Variants in GBF1 observed in about 807,000 individuals in gnomAD.
GBF1 encodes the protein golgi brefeldin A resistant guanine nucleotide exchange factor 1, also known as Golgi-specific brefeldin A-resistance guanine nucleotide exchange factor 1.
Under a neutral mutation model 210.5 loss-of-function variants are expected in GBF1, and 114 were observed. The ratio of observed to expected loss-of-function variants is 0.54; its 90% confidence interval spans 0.47 to 0.63. GBF1 has a LOEUF of 0.63. Ranked by LOEUF, GBF1 falls within the 30% of genes least tolerant of loss-of-function variation. The probability of loss-of-function intolerance (pLI) is 0.00; values close to 1 mark genes in which losing one functional copy is unlikely to be tolerated. For missense variants in GBF1, 1,851 were observed against 2,357.7 expected (o/e 0.79, Z 4.45); for synonymous variants, 850 against 889.2 (o/e 0.96, Z 0.78).
At chr10:102,341,800 A>C (rs561379143) in intron 3 of GBF1, among the ~76,000 whole-genome samples, 1 of 152,302 alleles carries the variant, frequency 6.6e-6, no homozygotes, top group Admixed American at 6.5e-5. Context: ...TGTGGACCCC[A>C]TATATAAAAC....
rs749785670 is a variant in GBF1 at position 102,382,217 on chromosome 10, G to A, written c.5464G>A (p.Val1822Met). The change falls in exon 40 of 40, where the codon GTG (valine) becomes ATG (methionine). Residue 1822 changes from valine to methionine, a missense_variant. By Grantham distance (21) the Val-to-Met change is conservative. Coordinates refer to ENST00000369983, the MANE Select transcript of GBF1 (RefSeq NM_001377137.1). ...QPLASPLQVGVPPMTLPIILN... is the reference protein window; with the variant it reads ...QPLASPLQVGMPPMTLPIILN... ...CTTGGCCTCCCCACTGCAGGTGGGC[G>A]TGCCACCTATGACTCTGCCCATCAT... 1.1e-5 allele frequency: 17 copies of A among 1,613,850 alleles called. No individual in the cohort carries two copies. Among genetic ancestry groups the A allele is most frequent in the African/African-American group, 2.7e-5 (2 of 75,002 alleles).
At chr10:102,253,925 A>G (rs1473204019) in intron 1 of GBF1, among the ~76,000 whole-genome samples, 2 of 152,088 alleles carry the variant, frequency 1.3e-5, no homozygotes, top group Non-Finnish European at 2.9e-5. Context: ...CTTTTCATAT[A>G]TTTATTTGCT....
chr10:102,230,668 G>T, the GBF1 span: 1 of 1,592,154 alleles, frequency 6.3e-7, no homozygotes. Flanking sequence ...GACGTAGGGG[G>T]AAGAGGCGGC....
chr10:102,319,162 A>G (rs535129991), intron 3 of GBF1, among the ~76,000 whole-genome samples: 1 of 152,296 alleles, frequency 6.6e-6, no homozygotes, highest in East Asian at 1.9e-4. Context: ...CTAAAAATAC[A>G]AAACAAAATT....
intron 3 of GBF1, among the ~76,000 whole-genome samples, chr10:102,267,684 T>G (rs1346642763): frequency 1.3e-5 from 2 of 152,218 alleles, no homozygotes. Context: ...TCAGCTTTTG[T>G]TCCACTTGGA....
intron 2 of GBF1, 84 bp downstream of exon 2, chr10:102,259,118 T>C: frequency 2.6e-6 from 2 of 776,070 alleles, no homozygotes; most frequent in Non-Finnish European, 4.7e-6. Flanking sequence ...ATCAAATTCC[T>C]AGTAATAATG....
chr10:102,312,530 G>A (rs561565397), intron 3 of GBF1, among the ~76,000 whole-genome samples: 1 of 152,246 alleles, frequency 6.6e-6, no homozygotes, highest in South Asian at 2.1e-4. Context: ...AATCTTTGTT[G>A]GTAGGGCGTA....
chr10:102,335,879 G>C (rs2057692589), intron 3 of GBF1, among the ~76,000 whole-genome samples: 1 of 152,160 alleles, frequency 6.6e-6, no homozygotes, highest in African/African-American at 2.4e-5. Flanking sequence ...GAAATTAAAA[G>C]TGCTATCCCA....
At chr10:102,232,621 G>A in the GBF1 span, among the ~76,000 whole-genome samples, 172 of 152,318 alleles carry the variant, frequency 1.1e-3, no homozygotes, top group African/African-American at 4.0e-3. Flanking sequence ...GGCGGAGGTT[G>A]CAGCGAGCCG....
chr10:102,365,781 T>C (rs944823650), intron 18 of GBF1, among the ~76,000 whole-genome samples, 182 bp downstream of exon 18: 1 of 152,060 alleles, frequency 6.6e-6, no homozygotes, highest in African/African-American at 2.4e-5. Flanking sequence ...CATGGTGGCA[T>C]GTGCCTGTAG....
chr10:102,258,548 G>C (rs1382116168), intron 1 of GBF1, among the ~76,000 whole-genome samples: 3 of 149,260 alleles, frequency 2.0e-5, no homozygotes, highest in Non-Finnish European at 3.0e-5. Context: ...CAGGCGGGTG[G>C]ATTACCTGAG....
intron 3 of GBF1, among the ~76,000 whole-genome samples, chr10:102,293,762 A>ATTTTTTTTT: frequency 2.2e-5 from 1 of 44,570 alleles, no homozygotes; most frequent in Non-Finnish European, 4.2e-5. Context: ...CAGCTGTAGT[A>ATTTTTTTTT]TGTTTTGTGT....
intron 3 of GBF1, among the ~76,000 whole-genome samples, chr10:102,340,080 A>G (rs2058068906): frequency 6.7e-6 from 1 of 148,562 alleles, no homozygotes. Context: ...CAGCCTCCCC[A>G]GTAGCTGGGA....
At chr10:102,330,434 A>C (rs1357087546) in intron 3 of GBF1, among the ~76,000 whole-genome samples, 1 of 152,168 alleles carries the variant, frequency 6.6e-6, no homozygotes, top group Non-Finnish European at 1.5e-5. Flanking sequence ...CTATAATCCC[A>C]GCACTTTGGG....
chr10:102,234,660 C>T, the GBF1 span, among the ~76,000 whole-genome samples: 4 of 152,004 alleles, frequency 2.6e-5, no homozygotes, highest in South Asian at 6.2e-4. Flanking sequence ...TACTTCATAC[C>T]CAAGATGCCC....
chr10:102,348,209 T>C (rs2058707647), intron 4 of GBF1, among the ~76,000 whole-genome samples: 1 of 152,190 alleles, frequency 6.6e-6, no homozygotes, highest in African/African-American at 2.4e-5. Flanking sequence ...AATGCTGGGA[T>C]TACAGGCATG....
intron 3 of GBF1, among the ~76,000 whole-genome samples, chr10:102,267,312 C>G (rs1391029532): frequency 6.6e-6 from 1 of 152,200 alleles, no homozygotes; most frequent in East Asian, 1.9e-4. Context: ...CGAGACCAGC[C>G]TGGCCAACAT....
In GBF1 at chr10:102,322,422, T is replaced by C. The variant is rs570706227; in HGVS notation, c.164-21629T>C. On this transcript the variant is annotated intron_variant, in intron 3 of 39. Transcript: ENST00000369983. ...TGTAGATTCTTCTTTCCCCAGTTTATGTCCATTTCTTGTTAGATTTATTCC... is the reference window on the plus strand; with the variant it reads ...TGTAGATTCTTCTTTCCCCAGTTTACGTCCATTTCTTGTTAGATTTATTCC... Among the ~76,000 whole-genome samples, 228 of 152,334 alleles carry C rather than the reference T, an allele frequency of 1.5e-3. 2 individuals are homozygous for C. The highest frequency in any genetic ancestry group is 2.3e-3 in the Non-Finnish European group (156 of 68,018).
intron 23 of GBF1, 49 bp from the exon 24 acceptor site, chr10:102,369,162 T>A: frequency 7.9e-6 from 11 of 1,396,534 alleles, no homozygotes; most frequent in Non-Finnish European, 1.1e-5. Flanking sequence ...GAGATTTTCC[T>A]TTCCAGACAT....
Sources: allele counts gnomAD v4.1 joint callset (sites outside exome capture counted in the v4.1 genomes callset), GRCh38; gene constraint gnomAD v4.1.1; transcripts MANE v1.5; gene names NCBI Gene and HGNC (gene_info 2026-07-23, HGNC 2026-07-21).